KNDC1: variants seen among roughly 807,000 people sequenced by gnomAD.
The protein encoded by KNDC1 is kinase non-catalytic C-lobe domain-containing protein 1.
KNDC1 carries 106 observed loss-of-function variants against 172.8 expected under a neutral mutation model. That is an observed-to-expected ratio of 0.61 (90% CI 0.52 to 0.72). KNDC1 has a LOEUF of 0.72. Ranked by LOEUF, KNDC1 falls within the 30% of genes least tolerant of loss-of-function variation. The pLI is 0.00. For missense variants in KNDC1, 2,325 were observed against 2,394.5 expected (o/e 0.97, Z 0.61); for synonymous variants, 1,083 against 1,062.2 (o/e 1.02, Z -0.38).
intron 1 of KNDC1, among the ~76,000 whole-genome samples, chr10:133,164,845 C>T (rs1226913136): frequency 6.6e-6 from 1 of 152,152 alleles, no homozygotes; most frequent in Admixed American, 6.5e-5. Flanking sequence ...GACGTGGGAT[C>T]CCCAGGCTGC....
intron 26 of KNDC1, among the ~76,000 whole-genome samples, chr10:133,217,443 G>A (rs1358823469): frequency 1.3e-5 from 2 of 152,262 alleles, no homozygotes; most frequent in Non-Finnish European, 2.9e-5. Context: ...GAGCCCGGGG[G>A]CAGGCGCGGT....
In KNDC1 at chr10:133,221,357, G is replaced by A. The variant is rs12570631; in HGVS notation, c.5018+1245G>A. On this transcript the variant is annotated intron_variant, in intron 29 of 29. Coordinates refer to ENST00000304613, the MANE Select transcript of KNDC1 (RefSeq NM_152643.8). ...GGCTGGCTGTAAAACCTACCACCAC[G>A]ACCCACAGGGCTCACACCCCAGGCC... Among the ~76,000 whole-genome samples, 367 of 152,202 alleles carry A rather than the reference G, an allele frequency of 2.4e-3. 9 individuals are homozygous for A. The East Asian group carries it at 0.037, about 15-fold the overall frequency.
At chr10:133,178,010 T>C (rs1342398830) in intron 3 of KNDC1, among the ~76,000 whole-genome samples, 1 of 148,710 alleles carries the variant, frequency 6.7e-6, no homozygotes, top group African/African-American at 2.5e-5. Flanking sequence ...GTATGTGGTG[T>C]GTGCATGCAT....
At chr10:133,216,758 T>C (rs528440296) in intron 26 of KNDC1, among the ~76,000 whole-genome samples, 1 of 152,326 alleles carries the variant, frequency 6.6e-6, no homozygotes, top group African/African-American at 2.4e-5. Context: ...TGGAACACCA[T>C]AGCCAAGAGG....
chr10:133,183,244 G>C lies in KNDC1; in HGVS notation c.361-100G>C, dbSNP rs374938549. ...CTGCTTCCCCTCAGGGGAATCTCAC[G>C]ATTCCTGAAACTTGAGCTCCTGGCC... On this transcript the variant is annotated intron_variant, in intron 3 of 29. Coordinates refer to ENST00000304613, the MANE Select transcript of KNDC1 (RefSeq NM_152643.8). 1.2e-5 allele frequency: 17 copies of C among 1,373,554 alleles called. No homozygotes were observed. The South Asian group carries it at 2.5e-4, about 20-fold the overall frequency. 85.1% of individuals were successfully genotyped at this position (1,373,554 alleles called of 1,614,324 possible).
At chr10:133,205,991 G>A (rs1845181193) in intron 17 of KNDC1, among the ~76,000 whole-genome samples, 2 of 152,114 alleles carry the variant, frequency 1.3e-5, no homozygotes, top group South Asian at 2.1e-4. Context: ...ACCTGAGGTC[G>A]GGAGTTCAAG....
In KNDC1 at chr10:133,197,664, C is replaced by T. The variant is rs1266473706; in HGVS notation, c.1813-11C>T. ...TGGTCACCTGGCCCAGGGCTGTCAC[C>T]TCCTCCCCAGGTGTACCAGGAGGAA... On this transcript the variant is annotated splice_polypyrimidine_tract_variant and intron_variant, in intron 11 of 29. Coordinates refer to ENST00000304613, the MANE Select transcript of KNDC1 (RefSeq NM_152643.8). 3.1e-6 allele frequency: 5 copies of T among 1,606,704 alleles called. No individual in the cohort carries two copies. The highest frequency in any genetic ancestry group is 4.5e-5 in the East Asian group (2 of 44,836).
At position 133,198,869 on chromosome 10, in the gene KNDC1, G is replaced by A. The variant is rs768714555; in HGVS notation, c.2361G>A (p.Thr787=). 38 of 1,598,120 alleles carry A rather than the reference G, an allele frequency of 2.4e-5. No individual in the cohort carries two copies. Among genetic ancestry groups the A allele is most frequent in the Admixed American group, 1.3e-4 (8 of 59,436 alleles). ...GCTCTCCAGTCCCCGCCCCGCCCAC[G>A]AAGGCATCTGCGCTGCCCGTAGAGC... is the stretch of plus-strand genomic sequence containing the variant. ...APGSPVPAPP[T]KASALPVEQG... The change falls in exon 14 of 30, where the codon ACG becomes ACA. Residue 787 remains threonine, a synonymous_variant. Transcript: ENST00000304613.
chr10:133,212,831 G>A lies in KNDC1; in HGVS notation c.4352G>A (p.Gly1451Asp), dbSNP rs945475593. The A allele has an allele frequency of 6.2e-7, 1 of 1,613,952 alleles. No homozygotes were observed. Among genetic ancestry groups the A allele is most frequent in the Non-Finnish European group, 8.5e-7 (1 of 1,179,944 alleles). ...PKPCFLEDFY[G>D]PCAKTSEKGP... ...CCCTGCTTCCTCGAGGACTTCTACG[G>A]CCCCTGCGCCAAGACCAGTGAGAAG... The change falls in exon 24 of 30, where the codon GGC (glycine) becomes GAC (aspartate). Residue 1451 changes from glycine to aspartate, a missense_variant. Gly to Asp is a moderately conservative substitution (Grantham distance 94). Coordinates refer to ENST00000304613, the MANE Select transcript of KNDC1 (RefSeq NM_152643.8).
Position 133,183,415 on chromosome 10 carries a change from C to A in KNDC1, c.432C>A (p.Pro144=). ...ACGTGGCAGAGCCCACACTGGAACC[C>A]AGGCTGAGCCAAGACCTCGAGGCGC... ...LEYVAEPTLE[P]RLSQDLEALL... The change falls in exon 4 of 30, where the codon CCC becomes CCA. Residue 144 remains proline (P), a synonymous_variant. Coordinates refer to ENST00000304613, the MANE Select transcript of KNDC1 (RefSeq NM_152643.8). 1 of 1,604,096 alleles carries A rather than the reference C, an allele frequency of 6.2e-7. No individual in the cohort carries two copies.
In KNDC1 at chr10:133,186,657, A is replaced by G; in HGVS notation, c.1309A>G (p.Ser437Gly). ...TCCAGAAGGAGCTAGGCAGCTGGAA[A>G]GTGCAGCCGCGGAGCAGGTGGGTGC... ...RIPEGARQLE[S>G]AAAEQWVSLQ... The change falls in exon 6 of 30, where the codon AGT becomes GGT. Residue 437 changes from serine (S) to glycine (G), a missense_variant. Transcript: ENST00000304613. The G allele has an allele frequency of 6.3e-7, 1 of 1,586,614 alleles. No homozygotes were observed.
At chr10:133,217,703 G>C (rs76168501) in intron 26 of KNDC1, among the ~76,000 whole-genome samples, 5 of 148,988 alleles carry the variant, frequency 3.4e-5, no homozygotes, top group Non-Finnish European at 5.9e-5. Context: ...TCACGGCTGT[G>C]ATCCCAGCAC....
chr10:133,200,501 C>T (rs376658793), intron 16 of KNDC1, 41 bp downstream of exon 16: 25 of 1,425,184 alleles, frequency 1.8e-5, no homozygotes, highest in African/African-American at 7.3e-5. Context: ...CTCTGCTGGG[C>T]GGCTCCTCTG....
chr10:133,162,029 T>A (rs1404734797), intron 1 of KNDC1, among the ~76,000 whole-genome samples: 1 of 152,060 alleles, frequency 6.6e-6, no homozygotes, highest in African/African-American at 2.4e-5. Context: ...GCCGGACAGC[T>A]CCCGGCCGGC....
intron 3 of KNDC1, among the ~76,000 whole-genome samples, chr10:133,178,121 G>A (rs1038837636): frequency 3.3e-5 from 5 of 151,702 alleles, no homozygotes; most frequent in African/African-American, 1.2e-4. Flanking sequence ...TGTGTGTGGT[G>A]TGTGTGCATG....
intron 20 of KNDC1, 65 bp downstream of exon 20, chr10:133,207,416 G>T: frequency 6.9e-7 from 1 of 1,450,654 alleles, no homozygotes; most frequent in Non-Finnish European, 9.6e-7. Context: ...AAGAGGGGGG[G>T]AACGTGCCCT....
rs776662000 is a variant in KNDC1, at chr10:133,212,703, G to C, written c.4237-13G>C. 7 of 1,610,440 alleles carry C rather than the reference G, an allele frequency of 4.3e-6. No homozygotes were observed. In the East Asian group the frequency reaches 1.6e-4, roughly 36 times the overall value. ...CGGAGCTTAGGCCCCTCAGTGCCCG[G>C]CCTGCCCTGCAGAGCTTCCCCTGGA... On this transcript the variant is annotated splice_polypyrimidine_tract_variant and intron_variant, in intron 23 of 29. Transcript: ENST00000304613.
intron 3 of KNDC1, among the ~76,000 whole-genome samples, chr10:133,182,233 C>T (rs542326963): frequency 4.6e-5 from 7 of 152,010 alleles, no homozygotes; most frequent in African/African-American, 1.5e-4. Context: ...GGAGGTGGGT[C>T]TCAGGGTTCT....
intron 9 of KNDC1, among the ~76,000 whole-genome samples, chr10:133,193,694 A>C (rs1333315822): frequency 6.6e-6 from 1 of 152,228 alleles, no homozygotes; most frequent in Non-Finnish European, 1.5e-5. Context: ...ACTTCAAATA[A>C]AACAATATAA....
Sources: gnomAD v4.1 joint callset for allele counts (sites outside exome capture counted in the v4.1 genomes callset) on GRCh38, gnomAD v4.1.1 for gene constraint, MANE v1.5 for transcripts, NCBI Gene and HGNC (gene_info 2026-07-23, HGNC 2026-07-21) for gene names.